AMMECR1: variants seen among roughly 807,000 people sequenced by gnomAD.
The protein encoded by AMMECR1 is nuclear protein AMMECR1.
Under a neutral mutation model 22.5 loss-of-function variants are expected in AMMECR1, and 3 were observed. The observed-to-expected ratio is 0.13, with a 90% confidence interval of 0.06 to 0.35. The LOEUF is 0.35. Among genes scored for constraint, AMMECR1 ranks in the 10% least tolerant of loss-of-function variants. AMMECR1 has a pLI of 1.00. For synonymous variants in AMMECR1, 130 were observed against 116.7 expected, an observed-to-expected ratio of 1.11 and a Z score of -0.74; for missense variants, 235 against 278.7, an observed-to-expected ratio of 0.84 and a Z score of 1.12.
At chrX:110,282,096 C>T (rs1270713720) in intron 1 of AMMECR1, among the ~76,000 whole-genome samples, 1 of 111,860 alleles carries the variant, frequency 8.9e-6, no homozygotes, top group East Asian at 2.8e-4. Flanking sequence ...AAATTTACAT[C>T]AAAGGCATAA....
intron 2 of AMMECR1, among the ~76,000 whole-genome samples, chrX:110,339,969 AACATACACACACACAC>A (rs1173592568): frequency 2.1e-4 from 19 of 90,028 alleles, no homozygotes; most frequent in African/African-American, 7.5e-4. Flanking sequence ...TTGAAGGCAA[AACATACACACACACAC>A]ACACACACAC....
At position 110,361,163 on chromosome X, in the gene AMMECR1, C is replaced by T. The variant is rs749071218; in HGVS notation, c.-147-43314G>A. ...AAAACCTGCTCCTCACAGTCTTCCC[C>T]GTCTCCCTAAATACCAATTTCATTC... On this transcript the variant is annotated intron_variant, in intron 2 of 7. Transcript: ENST00000372057. Among the ~76,000 whole-genome samples, 15 of 111,140 alleles carry T rather than the reference C, an allele frequency of 1.3e-4. No individual in the cohort carries two copies. In the East Asian group the frequency reaches 3.4e-3, roughly 25 times the overall value.
intron 2 of AMMECR1, among the ~76,000 whole-genome samples, chrX:110,234,784 G>A (rs1247591578): frequency 2.7e-5 from 3 of 111,396 alleles, no homozygotes; most frequent in Non-Finnish European, 3.8e-5. Flanking sequence ...CATATGTAGA[G>A]AGCTGAAACT....
chrX:110,280,758 T>C (rs1296476499), intron 1 of AMMECR1, among the ~76,000 whole-genome samples: 1 of 111,933 alleles, frequency 8.9e-6, no homozygotes, highest in Admixed American at 9.5e-5. Flanking sequence ...TTTTGTATAG[T>C]TTTGTTTTTC....
At chrX:110,371,393 C>T (rs748790653) in intron 2 of AMMECR1, among the ~76,000 whole-genome samples, 30 of 111,727 alleles carry the variant, frequency 2.7e-4, no homozygotes, top group Admixed American at 8.5e-4. Flanking sequence ...CTCACTGAGT[C>T]GCAAACAATC....
intron 2 of AMMECR1, among the ~76,000 whole-genome samples, chrX:110,226,044 A>C (rs1045949165): frequency 8.9e-6 from 1 of 111,920 alleles, no homozygotes; most frequent in Non-Finnish European, 1.9e-5. Flanking sequence ...CCCCACAATG[A>C]ATCCTTCAGG....
rs1224986653 is a variant in AMMECR1, at chrX:110,381,509, G to C, written c.-148+45149C>G. On this transcript the variant is annotated intron_variant, in intron 2 of 7. Transcript: ENST00000372057. ...GTTAGTTCAGCCCCTGTGGAAAGCA[G>C]TTAAAGATTTCTCAAAGATCTAAAA... is the stretch of plus-strand genomic sequence containing the variant. 3.6e-5 allele frequency among the ~76,000 whole-genome samples: 4 copies of C among 111,907 alleles called. No homozygotes were observed. The Admixed American group carries it at 3.8e-4, about 11-fold the overall frequency.
At chrX:110,434,440 G>A (rs1396469448) in intron 1 of AMMECR1, among the ~76,000 whole-genome samples, 3 of 111,623 alleles carry the variant, frequency 2.7e-5, no homozygotes, top group Admixed American at 9.5e-5. Context: ...GGCAAGAAGT[G>A]GAACAGGCTC....
chrX:110,233,934 T>C (rs768386549), intron 2 of AMMECR1, among the ~76,000 whole-genome samples: 2 of 112,165 alleles, frequency 1.8e-5, no homozygotes, highest in South Asian at 7.5e-4. Flanking sequence ...AAGGATGCAC[T>C]CTCTCACCAC....
intron 2 of AMMECR1, among the ~76,000 whole-genome samples, chrX:110,415,817 T>A (rs1481005074): frequency 9.0e-6 from 1 of 110,920 alleles, no homozygotes; most frequent in Non-Finnish European, 1.9e-5. Context: ...GCTTTGGGAG[T>A]CAGGTTTGCT....
chrX:110,227,703 G>A (rs1217259078), intron 2 of AMMECR1, among the ~76,000 whole-genome samples: 2 of 111,810 alleles, frequency 1.8e-5, no homozygotes, highest in African/African-American at 3.3e-5. Context: ...AAAGGCATAC[G>A]GCAGCTGCCT....
In AMMECR1 at chrX:110,249,795, G is replaced by C. The variant is rs151244269; in HGVS notation, c.584+14694C>G. 5.4e-3 allele frequency among the ~76,000 whole-genome samples: 605 copies of C among 111,882 alleles called. 3 individuals carry two copies. Among genetic ancestry groups the C allele is most frequent in the African/African-American group, 0.019 (587 of 30,727 alleles). On this transcript the variant is annotated intron_variant, in intron 2 of 5. Coordinates refer to ENST00000262844, the MANE Select transcript of AMMECR1 (RefSeq NM_015365.3). Reference sequence around the variant, plus strand: ...CATGCCTGCAGTCCCAGCTACTTGGGAGGCTGAGGCGGAAGAATCGCTTGA... The same window carrying C: ...CATGCCTGCAGTCCCAGCTACTTGGCAGGCTGAGGCGGAAGAATCGCTTGA...
At chrX:110,247,111 G>A (rs1219983777) in intron 2 of AMMECR1, among the ~76,000 whole-genome samples, 2 of 112,363 alleles carry the variant, frequency 1.8e-5, no homozygotes, top group African/African-American at 6.5e-5. Context: ...CTCTTTGCTG[G>A]TTTCTCTTCA....
intron 2 of AMMECR1, among the ~76,000 whole-genome samples, chrX:110,233,241 A>C (rs1244726363): frequency 8.9e-6 from 1 of 112,123 alleles, no homozygotes; most frequent in East Asian, 2.8e-4. Context: ...GAAGAAATGG[A>C]TAAATTCCTG....
chrX:110,199,153 A>T (rs1039053528), intron 5 of AMMECR1, among the ~76,000 whole-genome samples: 1 of 111,037 alleles, frequency 9.0e-6, no homozygotes, highest in Admixed American at 9.6e-5. Flanking sequence ...TTCAATCCCC[A>T]TCTCACACTA....
intron 1 of AMMECR1, among the ~76,000 whole-genome samples, chrX:110,297,321 C>A (rs1243664825): frequency 9.0e-6 from 1 of 111,241 alleles, no homozygotes; most frequent in Non-Finnish European, 1.9e-5. Context: ...TTGTTTTCAA[C>A]AAATGTCCCG....
intron 1 of AMMECR1, among the ~76,000 whole-genome samples, chrX:110,296,592 T>C (rs779658219): frequency 8.9e-6 from 1 of 111,770 alleles, no homozygotes; most frequent in East Asian, 2.8e-4. Context: ...ATAATCTCAG[T>C]TAACCTATCT....
intron 2 of AMMECR1, among the ~76,000 whole-genome samples, chrX:110,343,235 CA>C (rs948632658): frequency 1.8e-5 from 2 of 111,838 alleles, no homozygotes; most frequent in Non-Finnish European, 3.8e-5. Flanking sequence ...GAACCAAAGA[CA>C]AAAACCACAT....
intron 1 of AMMECR1, among the ~76,000 whole-genome samples, chrX:110,282,991 C>CAACAGAAAAGGTT (rs1470896151): frequency 3.6e-5 from 4 of 111,528 alleles, no homozygotes; most frequent in Non-Finnish European, 7.5e-5. Context: ...TCATCTCCAG[C>CAACAGAAAAGGTT]TATGAGTGAG....
Sources: allele counts gnomAD v4.1 joint callset (sites outside exome capture counted in the v4.1 genomes callset), GRCh38; gene constraint gnomAD v4.1.1; transcripts MANE v1.5; gene names NCBI Gene and HGNC (gene_info 2026-07-23, HGNC 2026-07-21).